PRKCA: variants seen among roughly 807,000 people sequenced by gnomAD.
PRKCA encodes the protein protein kinase C alpha.
A neutral mutation model predicts 87.0 loss-of-function variants in PRKCA; 27 were observed. The observed-to-expected ratio is 0.31, with a 90% CI of 0.23 to 0.43. PRKCA has a LOEUF of 0.43. Among genes scored for constraint, PRKCA ranks in the 20% least tolerant of loss-of-function variants. The pLI is 1.00. For missense variants in PRKCA, 518 were observed against 852.3 expected (o/e 0.61, Z 4.88); for synonymous variants, 329 against 311.1 (o/e 1.06, Z -0.61).
chr17:66,313,804 A>T (rs927906067), intron 2 of PRKCA, among the ~76,000 whole-genome samples: 3 of 152,216 alleles, frequency 2.0e-5, no homozygotes, highest in Non-Finnish European at 4.4e-5. Context: ...CAAATAATAA[A>T]GGTTTTTGTG....
At chr17:66,532,269 A>G (rs983930627) in intron 3 of PRKCA, among the ~76,000 whole-genome samples, 1 of 151,710 alleles carries the variant, frequency 6.6e-6, no homozygotes, top group African/African-American at 2.4e-5. Flanking sequence ...ATGATTCATT[A>G]TCTTTTTGCT....
intron 5 of PRKCA, among the ~76,000 whole-genome samples, chr17:66,653,221 C>T (rs1242925485): frequency 6.6e-6 from 1 of 152,238 alleles, no homozygotes; most frequent in African/African-American, 2.4e-5. Flanking sequence ...ATATGACCCC[C>T]ATTTTCCAAA....
chr17:66,490,133 A>G (rs1262883347), intron 2 of PRKCA, among the ~76,000 whole-genome samples: 1 of 152,146 alleles, frequency 6.6e-6, no homozygotes, highest in Non-Finnish European at 1.5e-5. Flanking sequence ...ACAAGTAATC[A>G]TAAAAAGTCT....
At chr17:66,611,116 C>G (rs1309523974) in intron 3 of PRKCA, among the ~76,000 whole-genome samples, 1 of 152,156 alleles carries the variant, frequency 6.6e-6, no homozygotes, top group East Asian at 1.9e-4. Context: ...GGGCCACGAA[C>G]TGGGGGAGGA....
intron 3 of PRKCA, among the ~76,000 whole-genome samples, chr17:66,553,899 G>A (rs983842903): frequency 1.3e-5 from 2 of 152,164 alleles, no homozygotes; most frequent in Non-Finnish European, 1.5e-5. Flanking sequence ...GTGATCCAGA[G>A]AGTCTCCTTG....
intron 13 of PRKCA, among the ~76,000 whole-genome samples, chr17:66,760,954 G>A (rs1690022812): frequency 6.6e-6 from 1 of 152,142 alleles, no homozygotes; most frequent in South Asian, 2.1e-4. Flanking sequence ...CATTCTTACA[G>A]GGAGGTAAAA....
chr17:66,403,151 C>T (rs1911136426), intron 2 of PRKCA, among the ~76,000 whole-genome samples: 1 of 152,156 alleles, frequency 6.6e-6, no homozygotes, highest in Non-Finnish European at 1.5e-5. Context: ...ATAGCATGCC[C>T]TCCATTCTTG....
chr17:66,550,818 G>A (rs1284515727), intron 3 of PRKCA, among the ~76,000 whole-genome samples: 2 of 152,194 alleles, frequency 1.3e-5, no homozygotes, highest in Non-Finnish European at 1.5e-5. Flanking sequence ...CGACACATTC[G>A]TCTTTCTTGC....
chr17:66,803,935 A>G lies in PRKCA; in HGVS notation c.1917A>G (p.Pro639=), dbSNP rs768822249. ...CACGAGGACAGCCCGTCTTAACACC[A>G]CCTGATCAGCTGGTTATTGCTAACA... ...FFTRGQPVLT[P]PDQLVIANID... Residue 639 remains proline (P), a synonymous_variant, in exon 17 of 17, where the codon CCA becomes CCG. Transcript: ENST00000413366. This position sits in a 1 kb window ranked among gnomAD's most constrained non-coding sequence, Gnocchi z 4.4. 2.7e-5 allele frequency: 43 copies of G among 1,613,770 alleles called. No homozygotes were observed. In the Middle Eastern group the frequency reaches 1.5e-3, roughly 56 times the overall value.
chr17:66,312,641 G>T (rs1172103602), intron 2 of PRKCA, among the ~76,000 whole-genome samples: 3 of 151,032 alleles, frequency 2.0e-5, no homozygotes, highest in African/African-American at 7.3e-5. Context: ...TTGCCCAGAT[G>T]ATATCTGTTT....
At chr17:66,525,592 C>T (rs1415646957) in intron 3 of PRKCA, among the ~76,000 whole-genome samples, 2 of 152,134 alleles carry the variant, frequency 1.3e-5, no homozygotes, top group Admixed American at 6.6e-5. Flanking sequence ...GCTCATGGAC[C>T]TGCTTCAGAT....
intron 2 of PRKCA, among the ~76,000 whole-genome samples, chr17:66,448,814 G>GT (rs1158874470): frequency 1.3e-5 from 2 of 151,424 alleles, no homozygotes; most frequent in African/African-American, 4.9e-5. Context: ...GAGTCTAATG[G>GT]TATCAAATAA....
intron 2 of PRKCA, among the ~76,000 whole-genome samples, chr17:66,446,418 T>C (rs172939): frequency 0.68 from 104,049 of 152,086 alleles, 35,712 homozygotes; most frequent in Middle Eastern, 0.8. Context: ...TCTTCCTCAT[T>C]GGCCTTGCTC....
At chr17:66,537,427 C>T (rs568712472) in intron 3 of PRKCA, among the ~76,000 whole-genome samples, 4 of 152,284 alleles carry the variant, frequency 2.6e-5, no homozygotes, top group Admixed American at 6.5e-5. Context: ...CATTGTTAAA[C>T]GCCAAGTGTT....
intron 13 of PRKCA, among the ~76,000 whole-genome samples, chr17:66,756,034 G>A (rs1283530254): frequency 1.3e-5 from 2 of 152,188 alleles, no homozygotes; most frequent in East Asian, 1.9e-4. Context: ...GCAAATTGCT[G>A]GAGGCTAAGT....
At chr17:66,741,479 G>T (rs1465377549) in intron 11 of PRKCA, among the ~76,000 whole-genome samples, 180 bp from the exon 12 acceptor site, 1 of 152,192 alleles carries the variant, frequency 6.6e-6, no homozygotes, top group African/African-American at 2.4e-5. Flanking sequence ...CTCATTCACG[G>T]ATAAGCTGGA....
intron 6 of PRKCA, 33 bp downstream of exon 6, chr17:66,687,300 C>G: frequency 6.3e-7 from 1 of 1,591,034 alleles, no homozygotes; most frequent in Non-Finnish European, 8.6e-7. Flanking sequence ...AATTTCATTC[C>G]TATACACCAT....
At chr17:66,315,378 T>C (rs1179014401) in intron 2 of PRKCA, among the ~76,000 whole-genome samples, 1 of 152,174 alleles carries the variant, frequency 6.6e-6, no homozygotes, top group Non-Finnish European at 1.5e-5. Context: ...TTAAGCCAGG[T>C]GTTCTGCTGC....
At chr17:66,394,544 A>G (rs1041143373) in intron 2 of PRKCA, among the ~76,000 whole-genome samples, 4 of 152,226 alleles carry the variant, frequency 2.6e-5, no homozygotes, top group African/African-American at 9.6e-5. Context: ...GACAGTGGAT[A>G]GGACAGTGAA....
Sources: allele counts gnomAD v4.1 joint callset (sites outside exome capture counted in the v4.1 genomes callset), GRCh38; gene constraint gnomAD v4.1.1; non-coding constraint Gnocchi (gnomAD v3.1); transcripts MANE v1.5; gene names NCBI Gene and HGNC (gene_info 2026-07-23, HGNC 2026-07-21).